Variants in UBE2E2 observed in about 807,000 individuals in gnomAD.
UBE2E2 encodes ubiquitin-conjugating enzyme E2 E2.
In UBE2E2, 6 loss-of-function variants were observed where a neutral mutation model predicts 24.7. The ratio of observed to expected loss-of-function variants is 0.24; its 90% CI spans 0.13 to 0.48. The LOEUF is 0.48. Ranked by LOEUF, UBE2E2 falls within the 20% of genes least tolerant of loss-of-function variation. The pLI is 0.99. For missense variants in UBE2E2, 169 were observed against 245.0 expected, an observed-to-expected ratio of 0.69 and a Z score of 2.07; for synonymous variants, 104 against 83.6, an observed-to-expected ratio of 1.24 and a Z score of -1.33.
intron 4 of UBE2E2, among the ~76,000 whole-genome samples, chr3:23,518,969 A>G (rs17013406): frequency 0.029 from 4,395 of 152,306 alleles, 108 homozygotes; most frequent in East Asian, 0.13. Context: ...TTGAGAACGA[A>G]CATCATATAA....
intron 3 of UBE2E2, among the ~76,000 whole-genome samples, chr3:23,350,321 C>A (rs1695704198): frequency 6.6e-6 from 1 of 152,072 alleles, no homozygotes; most frequent in African/African-American, 2.4e-5. Context: ...CCCTAAAAAG[C>A]AGAGCACCTC....
intron 3 of UBE2E2, among the ~76,000 whole-genome samples, chr3:23,442,360 C>CG (rs1350195535): frequency 2.0e-5 from 3 of 152,020 alleles, no homozygotes; most frequent in African/African-American, 7.3e-5. Context: ...ACCCAACCCC[C>CG]CAAAAAGGAC....
intron 5 of UBE2E2, among the ~76,000 whole-genome samples, chr3:23,584,120 A>T (rs2125520611): frequency 6.6e-6 from 1 of 152,272 alleles, no homozygotes; most frequent in South Asian, 2.1e-4. Flanking sequence ...GAGGGTTTTT[A>T]ACATGATGAT....
chr3:23,272,362 C>T (rs988868173), intron 3 of UBE2E2, among the ~76,000 whole-genome samples: 4 of 152,042 alleles, frequency 2.6e-5, no homozygotes, highest in Admixed American at 2.6e-4. Context: ...ACGCACGCAG[C>T]CCGGGTTCCC....
At chr3:23,526,581 G>A (rs1695004127) in intron 4 of UBE2E2, among the ~76,000 whole-genome samples, 1 of 152,080 alleles carries the variant, frequency 6.6e-6, no homozygotes, top group Non-Finnish European at 1.5e-5. Context: ...TGCAAGTATA[G>A]TATTGAAGTA....
chr3:23,366,635 G>T (rs1051859481), intron 3 of UBE2E2, among the ~76,000 whole-genome samples: 4 of 152,036 alleles, frequency 2.6e-5, no homozygotes, highest in African/African-American at 9.7e-5. Context: ...GTGGGAGGAG[G>T]GAGGGGATTG....
At chr3:23,331,091 C>G (rs1186356292) in intron 3 of UBE2E2, among the ~76,000 whole-genome samples, 1 of 152,090 alleles carries the variant, frequency 6.6e-6, no homozygotes, top group Non-Finnish European at 1.5e-5. Context: ...AAAAGTAAAT[C>G]AAAGCGAAGT....
chr3:23,351,088 T>G (rs1695734720), intron 3 of UBE2E2, among the ~76,000 whole-genome samples: 1 of 152,176 alleles, frequency 6.6e-6, no homozygotes, highest in Admixed American at 6.5e-5. Flanking sequence ...TATTCAACAT[T>G]CCTAAAGAAA....
chr3:23,584,081 A>C (rs1009856135), intron 5 of UBE2E2, among the ~76,000 whole-genome samples: 5 of 152,114 alleles, frequency 3.3e-5, no homozygotes, highest in African/African-American at 1.2e-4. Context: ...TATTATTTTG[A>C]AGTATGTTCC....
intron 4 of UBE2E2, among the ~76,000 whole-genome samples, chr3:23,528,780 A>C (rs933516940): frequency 2.0e-5 from 3 of 152,134 alleles, no homozygotes; most frequent in African/African-American, 7.2e-5. Context: ...CTGGGGTCTT[A>C]AGGGGGATTC....
intron 3 of UBE2E2, among the ~76,000 whole-genome samples, chr3:23,458,939 G>A (rs1303973189): frequency 6.6e-6 from 1 of 152,186 alleles, no homozygotes; most frequent in Non-Finnish European, 1.5e-5. Context: ...CGGCATGCCT[G>A]TAAATGGCAG....
At chr3:23,270,918 G>A (rs1289824899) in intron 3 of UBE2E2, 1 of 456,500 alleles carries the variant, frequency 2.2e-6, no homozygotes. Context: ...AAATCCTGCT[G>A]ACAACTAAGT....
At chr3:23,568,246 A>G (rs1696123386) in intron 5 of UBE2E2, among the ~76,000 whole-genome samples, 1 of 152,206 alleles carries the variant, frequency 6.6e-6, no homozygotes, top group Non-Finnish European at 1.5e-5. Context: ...CACACCCACT[A>G]TCACAATTCC....
At chr3:23,397,179 G>A (rs553220525) in intron 3 of UBE2E2, among the ~76,000 whole-genome samples, 25 of 152,244 alleles carry the variant, frequency 1.6e-4, no homozygotes, top group Middle Eastern at 3.4e-3. Context: ...AGCTTTTTGA[G>A]CACTTACTAA....
At chr3:23,317,887 T>C (rs1352412837) in intron 3 of UBE2E2, among the ~76,000 whole-genome samples, 4 of 151,988 alleles carry the variant, frequency 2.6e-5, no homozygotes, top group African/African-American at 7.2e-5. Flanking sequence ...CTTTCAGCAA[T>C]ATGAAGTTAA....
intron 5 of UBE2E2, among the ~76,000 whole-genome samples, chr3:23,542,169 G>A (rs1320735933): frequency 6.6e-6 from 1 of 152,102 alleles, no homozygotes; most frequent in Non-Finnish European, 1.5e-5. Flanking sequence ...ATCGTAGGAG[G>A]GTACATTTAT....
intron 3 of UBE2E2, among the ~76,000 whole-genome samples, chr3:23,381,171 G>A (rs1313640813): frequency 6.6e-6 from 1 of 152,024 alleles, no homozygotes; most frequent in Non-Finnish European, 1.5e-5. Context: ...TTTTCCCACA[G>A]TATACACAAT....
chr3:23,293,705 T>C (rs944107420), intron 3 of UBE2E2, among the ~76,000 whole-genome samples: 7 of 152,228 alleles, frequency 4.6e-5, no homozygotes, highest in Non-Finnish European at 1.0e-4. Flanking sequence ...ATAACTGTCA[T>C]AGCAGGCTCT....
At chr3:23,441,239 G>A (rs1351371472) in intron 3 of UBE2E2, among the ~76,000 whole-genome samples, 1 of 151,980 alleles carries the variant, frequency 6.6e-6, no homozygotes, top group African/African-American at 2.4e-5. Context: ...GGGGAAGGAA[G>A]GCCGGGCGCA....
Sources: gnomAD v4.1 joint callset for allele counts (sites outside exome capture counted in the v4.1 genomes callset) on GRCh38, gnomAD v4.1.1 for gene constraint, MANE v1.5 for transcripts, NCBI Gene and HGNC (gene_info 2026-07-23, HGNC 2026-07-21) for gene names.